The following TSPAN18 variants were observed in gnomAD, a reference collection of about 807,000 sequenced individuals.
TSPAN18 encodes the protein tetraspanin 18.
Under a neutral mutation model 27.3 loss-of-function variants are expected in TSPAN18, and 14 were observed. That is an observed-to-expected ratio of 0.51 (90% CI 0.34 to 0.80). TSPAN18 has a LOEUF of 0.80. Among genes scored for constraint, TSPAN18 ranks in the 30% least tolerant of loss-of-function variants. The probability of loss-of-function intolerance (pLI) is 0.01; values close to 1 mark genes in which losing one functional copy is unlikely to be tolerated. For missense variants in TSPAN18, 268 were observed against 323.9 expected (o/e 0.83, Z 1.32); for synonymous variants, 143 against 136.5 (o/e 1.05, Z -0.33).
In TSPAN18 at chr11:44,880,802, T is replaced by C. The variant is rs187509145; in HGVS notation, c.-11+20333T>C. Among the ~76,000 whole-genome samples, 89 of 152,334 alleles carry C rather than the reference T, an allele frequency of 5.8e-4. No individual in the cohort carries two copies. In the East Asian group the frequency reaches 0.012, roughly 20 times the overall value. On this transcript the variant is annotated intron_variant, in intron 3 of 9. Coordinates refer to ENST00000520358, the MANE Select transcript of TSPAN18 (RefSeq NM_130783.5). The stretch of plus-strand genomic sequence containing the variant: ...CCTCCAGCCCTGACATTGTGTATGA[T>C]GGGAAAGTGACTGATTCCTCCGTGA...
At chr11:44,853,121 C>T (rs981571557) in intron 2 of TSPAN18, among the ~76,000 whole-genome samples, 1 of 152,166 alleles carries the variant, frequency 6.6e-6, no homozygotes, top group Non-Finnish European at 1.5e-5. Context: ...CAATGGTGAG[C>T]TATAGAAGGT....
At chr11:44,743,831 T>C (rs1217503530) in intron 1 of TSPAN18, among the ~76,000 whole-genome samples, 2 of 152,222 alleles carry the variant, frequency 1.3e-5, no homozygotes, top group Admixed American at 6.5e-5. Context: ...GAGATGAAGA[T>C]AAAACTGATC....
At chr11:44,860,704 C>T (rs1043445268) in intron 3 of TSPAN18, among the ~76,000 whole-genome samples, 6 of 152,194 alleles carry the variant, frequency 3.9e-5, no homozygotes, top group African/African-American at 1.2e-4. Flanking sequence ...AGATAACCCT[C>T]GGAGGGGCCA....
intron 2 of TSPAN18, among the ~76,000 whole-genome samples, chr11:44,765,593 C>T (rs1855551422): frequency 6.6e-6 from 1 of 152,162 alleles, no homozygotes; most frequent in African/African-American, 2.4e-5. Flanking sequence ...CTCCACATTA[C>T]AGAAGAGAAA....
At position 44,741,447 on chromosome 11, in the gene TSPAN18, A is replaced by ATATGTGTGTG. The variant is rs59390988; in HGVS notation, c.-240+14161_-240+14162insATGTGTGTGT. Among the ~76,000 whole-genome samples, 1,373 of 147,472 alleles carry ATATGTGTGTG rather than the reference A, an allele frequency of 9.3e-3. 36 individuals carry two copies. Among genetic ancestry groups the ATATGTGTGTG allele is most frequent in the East Asian group, 0.092 (460 of 5,018 alleles). ...CTATTCAAACCTGTCTCAGACATGT[A>ATATGTGTGTG]TGTGTGTGTGTGTGTGTGTGTGTGT... On this transcript the variant is annotated intron_variant, in intron 1 of 9. Coordinates refer to ENST00000520358, the MANE Select transcript of TSPAN18 (RefSeq NM_130783.5).
intron 2 of TSPAN18, among the ~76,000 whole-genome samples, chr11:44,819,666 C>T (rs1291776715): frequency 6.6e-6 from 1 of 151,650 alleles, no homozygotes; most frequent in East Asian, 1.9e-4. Flanking sequence ...CTCTCTTATG[C>T]ACTCTGCTTT....
intron 4 of TSPAN18, among the ~76,000 whole-genome samples, chr11:44,909,371 C>T (rs755959034): frequency 4.6e-5 from 7 of 152,124 alleles, no homozygotes; most frequent in Non-Finnish European, 7.4e-5. Context: ...GAGGGTTGGA[C>T]TAGATGACCT....
chr11:44,881,781 T>C (rs1443081941), intron 3 of TSPAN18, among the ~76,000 whole-genome samples: 2 of 152,142 alleles, frequency 1.3e-5, no homozygotes, highest in Non-Finnish European at 2.9e-5. Flanking sequence ...CTTGACCCTG[T>C]CCTCATTGTC....
At chr11:44,766,919 G>A (rs578165709) in intron 2 of TSPAN18, among the ~76,000 whole-genome samples, 40 of 152,286 alleles carry the variant, frequency 2.6e-4, no homozygotes, top group African/African-American at 9.6e-4. Flanking sequence ...TGGGCAAAGA[G>A]CATGCACCCC....
chr11:44,750,745 C>T (rs1855191328), intron 1 of TSPAN18, among the ~76,000 whole-genome samples: 2 of 152,194 alleles, frequency 1.3e-5, no homozygotes, highest in South Asian at 4.1e-4. Context: ...ATGCCAGCTG[C>T]ATGTGAAACA....
At chr11:44,788,946 CT>C (rs1327348843) in intron 2 of TSPAN18, among the ~76,000 whole-genome samples, 7 of 152,206 alleles carry the variant, frequency 4.6e-5, no homozygotes. Context: ...CTGGTGTTGC[CT>C]TTCTGCAAAC....
intron 2 of TSPAN18, among the ~76,000 whole-genome samples, chr11:44,816,530 C>T (rs1856821807): frequency 6.6e-6 from 1 of 151,552 alleles, no homozygotes; most frequent in Non-Finnish European, 1.5e-5. Flanking sequence ...GTGCAGTCCT[C>T]CCAGCAACCC....
At chr11:44,789,648 G>A (rs78022877) in intron 2 of TSPAN18, among the ~76,000 whole-genome samples, 3,568 of 152,204 alleles carry the variant, frequency 0.023, 164 homozygotes, top group African/African-American at 0.081. Context: ...ATTCTGAGCT[G>A]GGAGCAAGCC....
intron 3 of TSPAN18, among the ~76,000 whole-genome samples, chr11:44,878,791 T>C (rs1858409907): frequency 6.6e-6 from 1 of 152,236 alleles, no homozygotes; most frequent in Non-Finnish European, 1.5e-5. Flanking sequence ...AAATGTGCTC[T>C]CCCACTCTTG....
rs536599950 is a variant in TSPAN18, at chr11:44,874,688, G to C, written c.-11+14219G>C. ...AACTAATTGCATGCTTGGTGCCTGG[G>C]TAGGGGGACATCTTTGTCCCTCAGG... On this transcript the variant is annotated intron_variant, in intron 3 of 9. Coordinates refer to ENST00000520358, the MANE Select transcript of TSPAN18 (RefSeq NM_130783.5). Among the ~76,000 whole-genome samples, 164 of 152,348 alleles carry C rather than the reference G, an allele frequency of 1.1e-3. 2 individuals are homozygous for C. The highest frequency in any genetic ancestry group is 0.01 in the South Asian group (49 of 4,830).
chr11:44,761,378 C>A (rs866685571), intron 1 of TSPAN18, among the ~76,000 whole-genome samples: 5 of 152,198 alleles, frequency 3.3e-5, no homozygotes, highest in African/African-American at 1.2e-4. Context: ...TGTAGTGACT[C>A]CCCTCCCCCG....
chr11:44,858,670 A>C (rs1252104875), intron 2 of TSPAN18, among the ~76,000 whole-genome samples: 1 of 152,000 alleles, frequency 6.6e-6, no homozygotes, highest in Non-Finnish European at 1.5e-5. Context: ...GGGAGCATGG[A>C]AGTTGGGGGA....
intron 3 of TSPAN18, among the ~76,000 whole-genome samples, chr11:44,890,218 G>A (rs1404361373): frequency 6.6e-6 from 1 of 152,196 alleles, no homozygotes; most frequent in South Asian, 2.1e-4. Context: ...AAGGCCAAAC[G>A]AAGTTCTCAT....
chr11:44,732,185 G>C (rs1170617154), intron 1 of TSPAN18, among the ~76,000 whole-genome samples: 6 of 152,234 alleles, frequency 3.9e-5, no homozygotes, highest in Admixed American at 3.9e-4. Context: ...CTTGGGAGGG[G>C]CCAGGCCAGG....
Sources: allele counts gnomAD v4.1 joint callset (sites outside exome capture counted in the v4.1 genomes callset), GRCh38; gene constraint gnomAD v4.1.1; transcripts MANE v1.5; gene names NCBI Gene and HGNC (gene_info 2026-07-23, HGNC 2026-07-21).